SLCO5A1: variants seen among roughly 807,000 people sequenced by gnomAD.
The protein encoded by SLCO5A1 is solute carrier organic anion transporter family member 5A1.
In SLCO5A1, 39 loss-of-function variants were observed where a neutral mutation model predicts 65.1. The ratio of observed to expected loss-of-function variants is 0.60; its 90% CI spans 0.46 to 0.78. The LOEUF (loss-of-function observed/expected upper bound fraction) is 0.78. SLCO5A1 is among the 30% of genes least tolerant of loss of function. The probability of loss-of-function intolerance (pLI) is 0.00; values close to 1 mark genes in which losing one functional copy is unlikely to be tolerated. For synonymous variants in SLCO5A1, 438 were observed against 415.7 expected, an observed-to-expected ratio of 1.05 and a Z score of -0.65; for missense variants, 1,029 against 1,069.4, an observed-to-expected ratio of 0.96 and a Z score of 0.53.
chr8:69,687,270 TTA>T, intron 6 of SLCO5A1, among the ~76,000 whole-genome samples: 1 of 152,304 alleles, frequency 6.6e-6, no homozygotes, highest in South Asian at 2.1e-4. Flanking sequence ...TCTATGGCTA[TTA>T]AATACCCCTC....
chr8:69,690,946 T>A (rs1029703140), intron 6 of SLCO5A1, among the ~76,000 whole-genome samples: 2 of 152,194 alleles, frequency 1.3e-5, no homozygotes, highest in African/African-American at 4.8e-5. Flanking sequence ...AAGTACTAAG[T>A]GATTCATCAG....
intron 2 of SLCO5A1, among the ~76,000 whole-genome samples, chr8:69,804,011 A>G (rs1819875061): frequency 6.6e-6 from 1 of 152,156 alleles, no homozygotes; most frequent in Non-Finnish European, 1.5e-5. Context: ...GGGAAAGGAG[A>G]GGAAGAAATC....
At position 69,705,526 on chromosome 8, in the gene SLCO5A1, A is replaced by C. The variant is rs71517254; in HGVS notation, c.1424-297T>G. On this transcript the variant is annotated intron_variant, in intron 5 of 9. Coordinates refer to ENST00000260126, the MANE Select transcript of SLCO5A1 (RefSeq NM_030958.3). ...TCTTCACCAAAGACAAAATCCAGAC[A>C]AACAATAAACACGTGAAAGGGGGTC... Among the ~76,000 whole-genome samples the C allele has an allele frequency of 8.5e-3, 1,290 of 152,286 alleles. 26 individuals carry two copies. The highest frequency in any genetic ancestry group is 0.014 in the Middle Eastern group (4 of 294).
At chr8:69,685,468 A>T (rs147056219) in intron 6 of SLCO5A1, among the ~76,000 whole-genome samples, 1 of 152,234 alleles carries the variant, frequency 6.6e-6, no homozygotes, top group East Asian at 1.9e-4. Flanking sequence ...CTGGCAAGAC[A>T]TAAAATGCAC....
At chr8:69,758,200 C>G (rs560918962) in intron 3 of SLCO5A1, among the ~76,000 whole-genome samples, 100 of 151,838 alleles carry the variant, frequency 6.6e-4, no homozygotes, top group African/African-American at 2.2e-3. Context: ...TGATTTTTTT[C>G]TTTAGAGACA....
chr8:69,741,762 A>AGGATATTCAAAGTAAAT (rs1816795722), intron 4 of SLCO5A1, among the ~76,000 whole-genome samples: 1 of 152,240 alleles, frequency 6.6e-6, no homozygotes, highest in Non-Finnish European at 1.5e-5. Flanking sequence ...TCCAAATTGA[A>AGGATATTCAAAGTAAAT]GGATATTCAA....
chr8:69,748,675 C>T (rs909558764), intron 4 of SLCO5A1, among the ~76,000 whole-genome samples: 4 of 152,170 alleles, frequency 2.6e-5, no homozygotes, highest in Non-Finnish European at 5.9e-5. Context: ...AACACAGAAA[C>T]ATTCTACTTT....
At chr8:69,725,225 C>T (rs548358390) in intron 5 of SLCO5A1, among the ~76,000 whole-genome samples, 1 of 152,064 alleles carries the variant, frequency 6.6e-6, no homozygotes, top group Non-Finnish European at 1.5e-5. Flanking sequence ...ACTTCCGATG[C>T]CAAAACCCAC....
At chr8:69,815,315 T>C (rs1194304445) in intron 2 of SLCO5A1, among the ~76,000 whole-genome samples, 3 of 152,178 alleles carry the variant, frequency 2.0e-5, no homozygotes, top group Non-Finnish European at 4.4e-5. Context: ...AAATAAAGTG[T>C]TTAGTACAAT....
At chr8:69,834,123 CACACA>C in intron 1 of SLCO5A1, 1 of 156,454 alleles carries the variant, frequency 6.4e-6, no homozygotes, top group Non-Finnish European at 1.4e-5. Context: ...CACACACACA[CACACA>C]CCGGCGTACT....
chr8:69,738,500 C>T (rs1816662174), intron 4 of SLCO5A1, among the ~76,000 whole-genome samples: 1 of 151,898 alleles, frequency 6.6e-6, no homozygotes, highest in Non-Finnish European at 1.5e-5. Context: ...GTTTCAAAAA[C>T]TGTTAGAATT....
intron 2 of SLCO5A1, among the ~76,000 whole-genome samples, chr8:69,766,845 C>T (rs1211421404): frequency 2.6e-5 from 4 of 152,186 alleles, no homozygotes; most frequent in African/African-American, 9.7e-5. Context: ...GTCCCCAGTG[C>T]CCTGCGCATG....
intron 5 of SLCO5A1, among the ~76,000 whole-genome samples, chr8:69,719,212 G>C (rs1250185396): frequency 6.6e-6 from 1 of 152,304 alleles, no homozygotes; most frequent in South Asian, 2.1e-4. Context: ...GTGACAGACG[G>C]GTTGAAAATC....
At chr8:69,725,405 G>C (rs957566218) in intron 5 of SLCO5A1, among the ~76,000 whole-genome samples, 2 of 152,056 alleles carry the variant, frequency 1.3e-5, no homozygotes, top group African/African-American at 4.8e-5. Flanking sequence ...AAGGCAAAAA[G>C]TGAAGCAATT....
intron 5 of SLCO5A1, among the ~76,000 whole-genome samples, chr8:69,730,401 G>A (rs1309847095): frequency 1.3e-5 from 2 of 152,206 alleles, no homozygotes; most frequent in African/African-American, 2.4e-5. Context: ...AGGGTTTTGG[G>A]AAAGTTATTT....
At chr8:69,773,126 A>G (rs1012273423) in intron 2 of SLCO5A1, among the ~76,000 whole-genome samples, 1 of 152,192 alleles carries the variant, frequency 6.6e-6, no homozygotes, top group African/African-American at 2.4e-5. Context: ...GCAACTGGCC[A>G]CACTCAGGGA....
chr8:69,676,263 A>G (rs1048556571), intron 9 of SLCO5A1, among the ~76,000 whole-genome samples: 8 of 152,244 alleles, frequency 5.3e-5, no homozygotes, highest in South Asian at 2.1e-4. Context: ...TACTGCTTTC[A>G]TAGTAAAAAG....
At chr8:69,820,628 T>C (rs1276409555) in intron 2 of SLCO5A1, among the ~76,000 whole-genome samples, 2 of 151,968 alleles carry the variant, frequency 1.3e-5, no homozygotes, top group Non-Finnish European at 2.9e-5. Context: ...GGTCAGGAGT[T>C]CTAGACCAGC....
At chr8:69,828,074 T>G (rs771927652) in intron 2 of SLCO5A1, among the ~76,000 whole-genome samples, 25 of 152,190 alleles carry the variant, frequency 1.6e-4, no homozygotes, top group Non-Finnish European at 2.5e-4. Flanking sequence ...TTAAACTCTC[T>G]GAGACTGTTT....
Sources: allele counts gnomAD v4.1 joint callset (sites outside exome capture counted in the v4.1 genomes callset), GRCh38; gene constraint gnomAD v4.1.1; transcripts MANE v1.5; gene names NCBI Gene and HGNC (gene_info 2026-07-23, HGNC 2026-07-21).